The following UNC13A variants were observed in gnomAD, a reference collection of about 807,000 sequenced individuals.
The protein encoded by UNC13A is protein unc-13 homolog A.
A neutral mutation model predicts 219.7 loss-of-function variants in UNC13A; 61 were observed. The observed-to-expected ratio is 0.28, with a 90% CI of 0.23 to 0.34. The LOEUF (loss-of-function observed/expected upper bound fraction) is 0.34, where lower values mean the gene tolerates loss of function less well. UNC13A is among the 10% of genes least tolerant of loss of function. The pLI is 1.00. For missense variants in UNC13A, 1,476 were observed against 2,270.3 expected (o/e 0.65, Z 7.11); for synonymous variants, 920 against 884.6 (o/e 1.04, Z -0.71).
chr19:17,629,194 G>T, intron 31 of UNC13A, 46 bp downstream of exon 31: 2 of 1,522,778 alleles, frequency 1.3e-6, no homozygotes, highest in South Asian at 2.4e-5. Flanking sequence ...TGGGGATGCT[G>T]AATGGGGCTG....
intron 31 of UNC13A, among the ~76,000 whole-genome samples, chr19:17,628,535 C>A (rs1167728405): frequency 1.3e-5 from 2 of 152,050 alleles, no homozygotes; most frequent in Non-Finnish European, 2.9e-5. Context: ...CACACACACC[C>A]AGACATGCAC....
intron 1 of UNC13A, among the ~76,000 whole-genome samples, chr19:17,680,699 C>T (rs1016614535): frequency 1.3e-4 from 20 of 151,854 alleles, no homozygotes; most frequent in Non-Finnish European, 2.5e-4. Context: ...CTCTTCCTCC[C>T]TCACCCCTTC....
intron 1 of UNC13A, among the ~76,000 whole-genome samples, chr19:17,682,013 C>T (rs1011668625): frequency 6.0e-5 from 9 of 149,004 alleles, no homozygotes; most frequent in African/African-American, 7.4e-5. Flanking sequence ...AGTGCAGTGG[C>T]GCGACCTCGG....
At chr19:17,618,398 T>C in intron 40 of UNC13A, 23 bp downstream of exon 40, 1 of 1,562,538 alleles carries the variant, frequency 6.4e-7, no homozygotes, top group East Asian at 2.4e-5. Context: ...CCACCTGGGA[T>C]GGGGAGGGGT....
At chr19:17,657,677 G>A (rs536889578) in intron 9 of UNC13A, among the ~76,000 whole-genome samples, 1 of 152,102 alleles carries the variant, frequency 6.6e-6, no homozygotes, top group East Asian at 1.9e-4. Flanking sequence ...ACTAGCCCAG[G>A]CAATGGAGCA....
intron 38 of UNC13A, among the ~76,000 whole-genome samples, chr19:17,619,899 G>T (rs7253012): frequency 0.017 from 2,517 of 152,312 alleles, 77 homozygotes; most frequent in African/African-American, 0.057. Flanking sequence ...CCTGGGCAAG[G>T]CACTTAACCT....
rs758642064 is a variant in UNC13A, at chr19:17,674,704, G to A, written c.105C>T (p.Thr35=). 2.5e-6 allele frequency: 4 copies of A among 1,613,818 alleles called. No homozygotes were observed. Among genetic ancestry groups the A allele is most frequent in the South Asian group, 2.2e-5 (2 of 91,086 alleles). ...TLKVQNVKST[T]IAVRGSQPSW... Reference sequence around the variant, plus strand: ...TGGGCTGGCTGCCCCGCACCGCGATGGTCGTGCTCTTGACATTCTGCACTT... The same window carrying A: ...TGGGCTGGCTGCCCCGCACCGCGATAGTCGTGCTCTTGACATTCTGCACTT... Residue 35 remains threonine (T), a synonymous_variant, in exon 3 of 44, where the codon ACC becomes ACT. Coordinates refer to ENST00000519716, the MANE Select transcript of UNC13A (RefSeq NM_001080421.3). This position sits in a 1 kb window ranked among gnomAD's most constrained non-coding sequence, Gnocchi z 5.0.
At chr19:17,641,255 G>C (rs2076965954) in intron 21 of UNC13A, 138 bp downstream of exon 21, 1 of 1,066,806 alleles carries the variant, frequency 9.4e-7, no homozygotes, top group South Asian at 1.6e-5. Flanking sequence ...CTGATCTCCA[G>C]GGGAATTACG....
At chr19:17,687,253 G>A (rs1398270115) in intron 1 of UNC13A, among the ~76,000 whole-genome samples, 2 of 151,896 alleles carry the variant, frequency 1.3e-5, no homozygotes, top group Non-Finnish European at 2.9e-5. Flanking sequence ...CAGAGCGTGG[G>A]CCTGGGCGTG....
intron 41 of UNC13A, among the ~76,000 whole-genome samples, chr19:17,612,465 T>C (rs1235216521): frequency 1.3e-5 from 2 of 152,208 alleles, no homozygotes; most frequent in Non-Finnish European, 2.9e-5. Flanking sequence ...CAGCATCCCA[T>C]GCCTGGACTA....
chr19:17,627,756 C>A lies in UNC13A; in HGVS notation c.3831+107G>T. The A allele has an allele frequency of 2.2e-6, 3 of 1,355,822 alleles. No individual in the cohort carries two copies. The highest frequency in any genetic ancestry group is 1.0e-6 in the Non-Finnish European group (1 of 978,388). 84.0% of individuals were successfully genotyped at this position (1,355,822 alleles called of 1,614,324 possible). ...GCCTGGGTTTAAGGCCATGGTTGAG[C>A]TGGAATTCATCCCCAGGCCTGGTGG... is the stretch of plus-strand genomic sequence containing the variant. On this transcript the variant is annotated intron_variant, in intron 32 of 43. Transcript: ENST00000519716. The surrounding 1 kb of genome is among the most constrained non-coding windows in gnomAD (Gnocchi z 4.7).
At chr19:17,648,757 C>A in intron 15 of UNC13A, 107 bp from the exon 16 acceptor site, 1 of 1,512,736 alleles carries the variant, frequency 6.6e-7, no homozygotes, top group East Asian at 2.3e-5. Context: ...AGGCCCTCCC[C>A]TGCCTCCACG....
At chr19:17,672,215 G>A (rs1457310276) in intron 4 of UNC13A, among the ~76,000 whole-genome samples, 163 bp downstream of exon 4, 1 of 152,236 alleles carries the variant, frequency 6.6e-6, no homozygotes, top group Non-Finnish European at 1.5e-5. Context: ...AAGATGGAAG[G>A]TGTATAGGCT....
chr19:17,663,985 CTTTT>C (rs2079598141), intron 7 of UNC13A, among the ~76,000 whole-genome samples: 1 of 147,680 alleles, frequency 6.8e-6, no homozygotes, highest in Non-Finnish European at 1.5e-5. Context: ...TGGTGGTTTT[CTTTT>C]TGTTTTTTTG....
chr19:17,627,486 C>T lies in UNC13A; in HGVS notation c.3920+23G>A, dbSNP rs76028049. ...TGAAGGCTGTTCCCTCCCCACTGCC[C>T]CCAGCCCTGGAGATGCTCCCACCTG... On this transcript the variant is annotated intron_variant, in intron 33 of 43. Coordinates refer to ENST00000519716, the MANE Select transcript of UNC13A (RefSeq NM_001080421.3). The surrounding 1 kb of genome is among the most constrained non-coding windows in gnomAD (Gnocchi z 4.7). The T allele has an allele frequency of 4.7e-3, 7,194 of 1,546,050 alleles. 290 individuals are homozygous for T. The African/African-American group carries it at 0.088, about 19-fold the overall frequency.
chr19:17,618,606 G>T, intron 39 of UNC13A, 105 bp from the exon 40 acceptor site: 2 of 1,198,518 alleles, frequency 1.7e-6, no homozygotes, highest in Non-Finnish European at 2.4e-6. Flanking sequence ...TGGGCTGAGG[G>T]TCTATGTTTT....
At chr19:17,613,154 C>T (rs1373838209) in intron 41 of UNC13A, among the ~76,000 whole-genome samples, 1 of 151,834 alleles carries the variant, frequency 6.6e-6, no homozygotes, top group Non-Finnish European at 1.5e-5. Context: ...ATCACTTGAA[C>T]CTGGGAGGCA....
chr19:17,678,867 T>C (rs868596816), intron 1 of UNC13A, among the ~76,000 whole-genome samples: 2 of 151,634 alleles, frequency 1.3e-5, no homozygotes, highest in Non-Finnish European at 2.9e-5. Flanking sequence ...GAGGGACTCA[T>C]ACAGGGAGAG....
At chr19:17,610,622 T>C (rs1316528547) in intron 42 of UNC13A, among the ~76,000 whole-genome samples, 1 of 152,214 alleles carries the variant, frequency 6.6e-6, no homozygotes, top group African/African-American at 2.4e-5. Flanking sequence ...CGTGTACTAC[T>C]TCTCCACTGT....
Sources: allele counts gnomAD v4.1 joint callset (sites outside exome capture counted in the v4.1 genomes callset), GRCh38; gene constraint gnomAD v4.1.1; non-coding constraint Gnocchi (gnomAD v3.1); transcripts MANE v1.5; gene names NCBI Gene and HGNC (gene_info 2026-07-23, HGNC 2026-07-21).